CNIH3: variants seen among roughly 807,000 people sequenced by gnomAD.
The protein encoded by CNIH3 is cornichon family AMPA receptor auxiliary protein 3.
A neutral mutation model predicts 24.1 loss-of-function variants in CNIH3; 14 were observed. The observed-to-expected ratio is 0.58, with a 90% CI of 0.38 to 0.91. The LOEUF is 0.91. Ranked by LOEUF, CNIH3 falls within the 40% of genes least tolerant of loss-of-function variation. CNIH3 has a pLI of 0.00. For synonymous variants in CNIH3, 68 were observed against 73.8 expected (o/e 0.92, Z 0.40); for missense variants, 178 against 196.8 (o/e 0.90, Z 0.57).
chr1:224,672,369 A>G (rs1685910297), intron 1 of CNIH3, among the ~76,000 whole-genome samples: 1 of 152,196 alleles, frequency 6.6e-6, no homozygotes, highest in Non-Finnish European at 1.5e-5. Flanking sequence ...AGTTTCAGGT[A>G]TTTTGCAAAT....
intron 3 of CNIH3, among the ~76,000 whole-genome samples, chr1:224,707,393 C>T (rs996265406): frequency 6.6e-6 from 1 of 152,130 alleles, no homozygotes. Context: ...CCTCAAATAA[C>T]GAATTCTGTA....
chr1:224,467,425 TTG>T (rs1480633213), intron 1 of CNIH3, among the ~76,000 whole-genome samples: 1 of 151,870 alleles, frequency 6.6e-6, no homozygotes, highest in East Asian at 2.0e-4. Context: ...ATCATAGTTT[TTG>T]TTTGTTTGTT....
intron 1 of CNIH3, among the ~76,000 whole-genome samples, chr1:224,506,293 A>ACG (rs1337877228): frequency 6.6e-6 from 1 of 150,602 alleles, no homozygotes; most frequent in Non-Finnish European, 1.5e-5. Context: ...GCGCGCACAC[A>ACG]CACACACACA....
At chr1:224,649,850 G>T (rs1190248076) in intron 1 of CNIH3, among the ~76,000 whole-genome samples, 2 of 152,160 alleles carry the variant, frequency 1.3e-5, no homozygotes, top group Non-Finnish European at 2.9e-5. Context: ...TCTCTCTGTT[G>T]TAAATCCAAA....
At chr1:224,474,219 C>T (rs751089446) in intron 1 of CNIH3, among the ~76,000 whole-genome samples, 1 of 152,022 alleles carries the variant, frequency 6.6e-6, no homozygotes, top group Non-Finnish European at 1.5e-5. Context: ...ACAAAATTAG[C>T]TGGGCATGGT....
chr1:224,447,443 G>A (rs1243524011), intron 1 of CNIH3, among the ~76,000 whole-genome samples: 5 of 152,088 alleles, frequency 3.3e-5, no homozygotes, highest in East Asian at 1.9e-4. Context: ...GATGGTGCCC[G>A]CCCACATTGA....
At chr1:224,438,987 A>T (rs1484840479) in intron 1 of CNIH3, among the ~76,000 whole-genome samples, 2 of 152,124 alleles carry the variant, frequency 1.3e-5, no homozygotes, top group Non-Finnish European at 2.9e-5. Flanking sequence ...TTTTTTGGTT[A>T]GGATTGTTTC....
intron 3 of CNIH3, among the ~76,000 whole-genome samples, chr1:224,558,960 A>C (rs1216580429): frequency 6.6e-6 from 1 of 152,234 alleles, no homozygotes; most frequent in Non-Finnish European, 1.5e-5. Flanking sequence ...TTTAATTAAG[A>C]AATAAATGTA....
chr1:224,617,379 C>G, intron 1 of CNIH3, 124 bp downstream of exon 1: 1 of 1,077,772 alleles, frequency 9.3e-7, no homozygotes, highest in Non-Finnish European at 1.4e-6. Context: ...TGCCGCTCCA[C>G]TGTCCCGGGG....
chr1:224,598,609 T>G (rs1292492951), intron 3 of CNIH3, among the ~76,000 whole-genome samples: 1 of 152,152 alleles, frequency 6.6e-6, no homozygotes, highest in Non-Finnish European at 1.5e-5. Flanking sequence ...GTTGTCTTAT[T>G]TTAGGAAATT....
intron 1 of CNIH3, among the ~76,000 whole-genome samples, chr1:224,500,934 A>G (rs1677639509): frequency 6.6e-6 from 1 of 152,168 alleles, no homozygotes; most frequent in Admixed American, 6.6e-5. Context: ...GCATCTGTGC[A>G]TTCCACACAC....
Position 224,716,103 on chromosome 1 carries a change from T to G in CNIH3, c.199-14359T>G, listed in dbSNP as rs145735116. 3.9e-5 allele frequency among the ~76,000 whole-genome samples: 6 copies of G among 152,296 alleles called. No homozygotes were observed. The East Asian group carries it at 1.2e-3, about 29-fold the overall frequency. On this transcript the variant is annotated intron_variant, in intron 3 of 5. Coordinates refer to ENST00000272133, the MANE Select transcript of CNIH3 (RefSeq NM_152495.2). ...AGTTCTGTAGATGGTACCTCCTAAGTATTTTTCAAATCCATCAATATGACT... is the reference window on the plus strand; with the variant it reads ...AGTTCTGTAGATGGTACCTCCTAAGGATTTTTCAAATCCATCAATATGACT...
intron 3 of CNIH3, among the ~76,000 whole-genome samples, chr1:224,708,407 A>G (rs530396170): frequency 4.5e-4 from 69 of 152,276 alleles, no homozygotes; most frequent in Non-Finnish European, 9.3e-4. Flanking sequence ...TTGTTCTAAA[A>G]AGTTGCATTG....
At chr1:224,519,059 TG>T (rs2124910017) in intron 1 of CNIH3, among the ~76,000 whole-genome samples, 1 of 152,348 alleles carries the variant, frequency 6.6e-6, no homozygotes. Context: ...AGGTAAAGTT[TG>T]TAAGACTGTT....
At chr1:224,479,705 A>G (rs1458892131) in intron 1 of CNIH3, among the ~76,000 whole-genome samples, 2 of 152,226 alleles carry the variant, frequency 1.3e-5, no homozygotes, top group Admixed American at 6.5e-5. Flanking sequence ...TAAATCTCCA[A>G]AATGATCTCC....
chr1:224,452,308 C>T (rs1009152300), intron 1 of CNIH3, among the ~76,000 whole-genome samples: 18 of 151,742 alleles, frequency 1.2e-4, no homozygotes, highest in Admixed American at 9.8e-4. Flanking sequence ...TACCACCATG[C>T]CCGGCTAATT....
intron 4 of CNIH3, among the ~76,000 whole-genome samples, chr1:224,572,415 T>C (rs944710456): frequency 6.6e-6 from 1 of 151,304 alleles, no homozygotes; most frequent in Non-Finnish European, 1.5e-5. Context: ...ATTTGGGAGG[T>C]TGAGGGATGA....
At chr1:224,452,266 C>T (rs932217600) in intron 1 of CNIH3, among the ~76,000 whole-genome samples, 2 of 151,634 alleles carry the variant, frequency 1.3e-5, no homozygotes, top group Non-Finnish European at 2.9e-5. Context: ...TCTCCTGCCT[C>T]AGCCTCCCAA....
At chr1:224,532,998 A>C (rs1243368041) in intron 2 of CNIH3, among the ~76,000 whole-genome samples, 4 of 152,206 alleles carry the variant, frequency 2.6e-5, no homozygotes, top group African/African-American at 9.7e-5. Flanking sequence ...AAATAGTATC[A>C]TTTATGTAAT....
Sources: allele counts gnomAD v4.1 joint callset (sites outside exome capture counted in the v4.1 genomes callset), GRCh38; gene constraint gnomAD v4.1.1; transcripts MANE v1.5; gene names NCBI Gene and HGNC (gene_info 2026-07-23, HGNC 2026-07-21).